ADARB2: variants seen among roughly 807,000 people sequenced by gnomAD.
The protein encoded by ADARB2 is adenosine deaminase RNA specific B2 (inactive), also known as inactive double-stranded RNA-specific editase B2.
In ADARB2, 25 loss-of-function variants were observed where a neutral mutation model predicts 62.2. That is an observed-to-expected ratio of 0.40 (90% confidence interval 0.29 to 0.56). The LOEUF is 0.56. ADARB2 is among the 20% of genes least tolerant of loss of function. The probability of loss-of-function intolerance (pLI) is 0.43; values close to 1 mark genes in which losing one functional copy is unlikely to be tolerated. For missense variants in ADARB2, 1,071 were observed against 1,077.4 expected, an observed-to-expected ratio of 0.99 and a Z score of 0.08; for synonymous variants, 572 against 500.8, an observed-to-expected ratio of 1.14 and a Z score of -1.90.
At chr10:1,645,385 G>C (rs1286280152) in intron 1 of ADARB2, among the ~76,000 whole-genome samples, 1 of 152,214 alleles carries the variant, frequency 6.6e-6, no homozygotes, top group African/African-American at 2.4e-5. Context: ...CCATCGACCT[G>C]GAGCCTGCAC....
chr10:1,400,557 G>T (rs1832652934), intron 1 of ADARB2, among the ~76,000 whole-genome samples: 1 of 152,026 alleles, frequency 6.6e-6, no homozygotes, highest in Non-Finnish European at 1.5e-5. Flanking sequence ...TCTAAAACTG[G>T]TTAATTTAGT....
chr10:1,598,805 G>A (rs937922225), intron 1 of ADARB2, among the ~76,000 whole-genome samples: 4 of 152,250 alleles, frequency 2.6e-5, no homozygotes, highest in Non-Finnish European at 4.4e-5. Context: ...AGGCAGACTG[G>A]AATCCGCAGA....
At chr10:1,558,226 C>T (rs111793911) in intron 1 of ADARB2, among the ~76,000 whole-genome samples, 3 of 150,886 alleles carry the variant, frequency 2.0e-5, no homozygotes, top group Non-Finnish European at 3.0e-5. Flanking sequence ...CCCACCTCTG[C>T]CCCCCTCCAT....
chr10:1,233,913 C>T (rs190929118), intron 5 of ADARB2, 68 bp from the exon 6 acceptor site: 38 of 1,490,312 alleles, frequency 2.5e-5, no homozygotes, highest in African/African-American at 2.0e-4. Context: ...ACCAGGTGAA[C>T]GCTTGAGTCC....
rs117020007 is a variant in ADARB2, at chr10:1,424,084, T to G, written c.101-44924A>C. On this transcript the variant is annotated intron_variant, in intron 1 of 9. Transcript: ENST00000381312. ...TGCAGTGGGACCACTATGTATGCAG[T>G]AGGTCCACTGTGTATGCAGAAGGTC... Among the ~76,000 whole-genome samples, 27 of 152,328 alleles carry G rather than the reference T, an allele frequency of 1.8e-4. No homozygotes were observed. In the East Asian group the frequency reaches 5.0e-3, roughly 28 times the overall value.
intron 6 of ADARB2, among the ~76,000 whole-genome samples, chr10:1,220,282 GTGA>G (rs1459613821): frequency 1.1e-4 from 13 of 116,180 alleles, no homozygotes; most frequent in East Asian, 3.3e-4. Context: ...GATGGTAATG[GTGA>G]TGGTGGTGGT....
intron 1 of ADARB2, among the ~76,000 whole-genome samples, chr10:1,528,535 G>T (rs532443862): frequency 1.3e-5 from 2 of 152,326 alleles, no homozygotes; most frequent in Non-Finnish European, 2.9e-5. Context: ...GTAAACCGTG[G>T]TATAGAATTT....
At chr10:1,330,099 T>C (rs187811912) in intron 3 of ADARB2, among the ~76,000 whole-genome samples, 17 of 152,308 alleles carry the variant, frequency 1.1e-4, no homozygotes, top group African/African-American at 4.1e-4. Flanking sequence ...TCAGTGAATT[T>C]TGCCCACGTT....
chr10:1,220,522 AT>A (rs1830685288), intron 6 of ADARB2, among the ~76,000 whole-genome samples: 2 of 152,206 alleles, frequency 1.3e-5, no homozygotes, highest in African/African-American at 4.8e-5. Flanking sequence ...CTTTATGAAC[AT>A]CAACTTTCTG....
intron 7 of ADARB2, among the ~76,000 whole-genome samples, chr10:1,214,495 G>A (rs532259209): frequency 8.0e-5 from 12 of 149,590 alleles, no homozygotes; most frequent in African/African-American, 2.7e-4. Context: ...ACCTTCTGGC[G>A]TTGTGTAGGT....
chr10:1,456,673 A>G (rs931804645), intron 1 of ADARB2, among the ~76,000 whole-genome samples: 5 of 152,298 alleles, frequency 3.3e-5, no homozygotes, highest in African/African-American at 1.2e-4. Context: ...CGTGGTAAAA[A>G]GGGTCACTAG....
At chr10:1,513,043 T>A (rs566879546) in intron 1 of ADARB2, among the ~76,000 whole-genome samples, 1 of 152,274 alleles carries the variant, frequency 6.6e-6, no homozygotes, top group African/African-American at 2.4e-5. Context: ...ATACTGAAAA[T>A]CTGCCAAGAG....
chr10:1,273,379 G>T (rs1397385261), intron 3 of ADARB2, among the ~76,000 whole-genome samples: 1 of 152,158 alleles, frequency 6.6e-6, no homozygotes, highest in Non-Finnish European at 1.5e-5. Context: ...TCTCACCTCA[G>T]CCTCCCAAAG....
At chr10:1,522,360 G>C (rs559962827) in intron 1 of ADARB2, among the ~76,000 whole-genome samples, 16 of 152,294 alleles carry the variant, frequency 1.1e-4, no homozygotes, top group Non-Finnish European at 2.1e-4. Flanking sequence ...GCCTCTAAGA[G>C]GGGGAGGTGG....
chr10:1,679,637 C>T (rs967171626), intron 1 of ADARB2, among the ~76,000 whole-genome samples: 3 of 152,046 alleles, frequency 2.0e-5, no homozygotes, highest in African/African-American at 7.3e-5. Context: ...GGGAAGAGCT[C>T]CAGTTACAGG....
intron 1 of ADARB2, among the ~76,000 whole-genome samples, chr10:1,652,556 G>A (rs769010268): frequency 2.6e-5 from 4 of 152,162 alleles, no homozygotes; most frequent in Non-Finnish European, 5.9e-5. Flanking sequence ...TAATTTGTGC[G>A]GTGTGCAAAA....
At chr10:1,198,439 C>T (rs1836939151) in intron 8 of ADARB2, among the ~76,000 whole-genome samples, 1 of 152,164 alleles carries the variant, frequency 6.6e-6, no homozygotes, top group Non-Finnish European at 1.5e-5. Flanking sequence ...GATTTCTTTT[C>T]AAAATTTGCA....
chr10:1,603,402 C>T (rs1229171832), intron 1 of ADARB2, among the ~76,000 whole-genome samples: 2 of 152,206 alleles, frequency 1.3e-5, no homozygotes. Flanking sequence ...CCTCGAGGTC[C>T]TGAGTAGGGC....
intron 1 of ADARB2, among the ~76,000 whole-genome samples, chr10:1,518,201 G>C (rs1832030496): frequency 6.6e-6 from 1 of 152,206 alleles, no homozygotes; most frequent in Admixed American, 6.5e-5. Flanking sequence ...TTGGCCGCAT[G>C]AGCTTCGGTC....
Sources: allele counts gnomAD v4.1 joint callset (sites outside exome capture counted in the v4.1 genomes callset), GRCh38; gene constraint gnomAD v4.1.1; transcripts MANE v1.5; gene names NCBI Gene and HGNC (gene_info 2026-07-23, HGNC 2026-07-21).